SOS1: variants seen among roughly 807,000 people sequenced by gnomAD.
The protein encoded by SOS1 is SOS Ras/Rac guanine nucleotide exchange factor 1.
Under a neutral mutation model 157.6 loss-of-function variants are expected in SOS1, and 25 were observed. That is an observed-to-expected ratio of 0.16 (90% CI 0.12 to 0.22). The LOEUF (loss-of-function observed/expected upper bound fraction) is 0.22. Ranked by LOEUF, SOS1 falls within the 10% of genes least tolerant of loss-of-function variation. SOS1 has a pLI of 1.00. For synonymous variants in SOS1, 528 were observed against 534.0 expected, an observed-to-expected ratio of 0.99 and a Z score of 0.16; for missense variants, 1,237 against 1,599.1, an observed-to-expected ratio of 0.77 and a Z score of 3.86.
intron 8 of SOS1, among the ~76,000 whole-genome samples, chr2:39,026,172 T>C (rs1241770930): frequency 6.6e-6 from 1 of 152,032 alleles, no homozygotes; most frequent in Admixed American, 6.5e-5. Flanking sequence ...CTGGCCAATA[T>C]GGTAAAACCC....
chr2:39,124,507 G>T (rs1315215443), upstream of SOS1, among the ~76,000 whole-genome samples: 1 of 152,260 alleles, frequency 6.6e-6, no homozygotes, highest in East Asian at 1.9e-4. Flanking sequence ...ACGGGGGCGG[G>T]GGTGGGCGTT....
At chr2:39,011,418 CAT>C (rs1669467701) in intron 14 of SOS1, among the ~76,000 whole-genome samples, 1 of 151,784 alleles carries the variant, frequency 6.6e-6, no homozygotes, top group Non-Finnish European at 1.5e-5. Context: ...TGCATTCACA[CAT>C]CTTTTTTTTT....
At chr2:39,119,789 T>G (rs1302506604) in intron 1 of SOS1, among the ~76,000 whole-genome samples, 1 of 152,148 alleles carries the variant, frequency 6.6e-6, no homozygotes, top group Admixed American at 6.5e-5. Context: ...TGGTAGCATG[T>G]GCACCAGCCC....
intron 6 of SOS1, among the ~76,000 whole-genome samples, chr2:39,040,264 G>A (rs1212449814): frequency 2.6e-5 from 4 of 151,936 alleles, no homozygotes; most frequent in South Asian, 2.1e-4. Context: ...TGATCCGCCC[G>A]CCTTGGCCTC....
At chr2:39,106,210 CACA>C (rs1327624571) in intron 1 of SOS1, among the ~76,000 whole-genome samples, 1 of 150,326 alleles carries the variant, frequency 6.7e-6, no homozygotes, top group Non-Finnish European at 1.5e-5. Context: ...CACACACACA[CACA>C]AATCAGCATG....
intron 5 of SOS1, among the ~76,000 whole-genome samples, chr2:39,054,380 A>G (rs1238823984): frequency 1.3e-5 from 2 of 152,248 alleles, no homozygotes; most frequent in South Asian, 4.1e-4. Context: ...GAGTACATGG[A>G]GAATTCTGTG....
chr2:39,036,244 A>T (rs1670338697), intron 6 of SOS1, among the ~76,000 whole-genome samples: 1 of 152,228 alleles, frequency 6.6e-6, no homozygotes, highest in South Asian at 2.1e-4. Flanking sequence ...AATTCTAGCA[A>T]GAGGAATAGG....
chr2:39,014,120 C>T, intron 11 of SOS1, 131 bp from the exon 12 acceptor site: 1 of 655,184 alleles, frequency 1.5e-6, no homozygotes. Context: ...ATATGCATAT[C>T]AGTGTAAACA....
At chr2:38,998,566 GT>G (rs1668978549) in intron 17 of SOS1, among the ~76,000 whole-genome samples, 1 of 152,074 alleles carries the variant, frequency 6.6e-6, no homozygotes, top group African/African-American at 2.4e-5. Context: ...GTGTGATCTT[GT>G]GCAAATTGCT....
chr2:39,032,651 G>C (rs1670201644), intron 8 of SOS1, among the ~76,000 whole-genome samples: 1 of 152,130 alleles, frequency 6.6e-6, no homozygotes, highest in African/African-American at 2.4e-5. Flanking sequence ...TCTCTAAAGA[G>C]ATGTATGTAA....
At chr2:39,118,805 C>A (rs931709851) in intron 1 of SOS1, among the ~76,000 whole-genome samples, 4 of 152,216 alleles carry the variant, frequency 2.6e-5, no homozygotes, top group African/African-American at 9.7e-5. Flanking sequence ...ACTATGCCAG[C>A]CAAACAAAAT....
At chr2:39,010,241 G>T (rs1432470773) in intron 15 of SOS1, among the ~76,000 whole-genome samples, 2 of 151,724 alleles carry the variant, frequency 1.3e-5, no homozygotes, top group Non-Finnish European at 2.9e-5. Context: ...GCTTGAACCC[G>T]GAAGGTGGAG....
Position 39,112,194 on chromosome 2 carries a change from G to A in SOS1, c.87+8142C>T, listed in dbSNP as rs530353134. Among the ~76,000 whole-genome samples the A allele has an allele frequency of 1.3e-4, 20 of 151,718 alleles. No homozygotes were observed. The South Asian group carries it at 4.2e-3, about 32-fold the overall frequency. The stretch of plus-strand genomic sequence containing the variant: ...TATCCCTATCTTCTTAATCTCTACT[G>A]CCGCTACCTGCAACCAACTGTCTTC... On this transcript the variant is annotated intron_variant, in intron 1 of 22. Transcript: ENST00000402219.
chr2:38,995,816 A>G (rs1034067973), intron 19 of SOS1, among the ~76,000 whole-genome samples: 3 of 151,926 alleles, frequency 2.0e-5, no homozygotes, highest in African/African-American at 7.3e-5. Context: ...CATTTGAGAT[A>G]TTTACGAATA....
intron 6 of SOS1, among the ~76,000 whole-genome samples, chr2:39,039,006 G>A (rs1670460270): frequency 6.6e-6 from 1 of 151,994 alleles, no homozygotes; most frequent in Non-Finnish European, 1.5e-5. Context: ...TAAACTGCCA[G>A]TCACCCCAAC....
intron 1 of SOS1, among the ~76,000 whole-genome samples, chr2:39,073,608 C>G (rs1285161113): frequency 6.6e-6 from 1 of 152,170 alleles, no homozygotes; most frequent in Non-Finnish European, 1.5e-5. Flanking sequence ...CATTTTGTCT[C>G]TAGTAAGTTC....
intron 21 of SOS1, among the ~76,000 whole-genome samples, chr2:38,988,101 C>G (rs950481999): frequency 6.6e-6 from 1 of 152,104 alleles, no homozygotes; most frequent in Non-Finnish European, 1.5e-5. Context: ...GGGAAAGAAT[C>G]ATAGTGTCTA....
intron 1 of SOS1, among the ~76,000 whole-genome samples, chr2:39,116,089 A>G (rs889293272): frequency 1.3e-5 from 2 of 152,246 alleles, no homozygotes; most frequent in African/African-American, 4.8e-5. Context: ...GGCTTCATCT[A>G]TATTTATGGC....
intron 1 of SOS1, among the ~76,000 whole-genome samples, chr2:39,069,460 T>A (rs548577166): frequency 1.1e-4 from 16 of 152,282 alleles, no homozygotes; most frequent in Admixed American, 5.9e-4. Context: ...TATGCATTCA[T>A]ATACATTTTA....
Sources: gnomAD v4.1 joint callset for allele counts (sites outside exome capture counted in the v4.1 genomes callset) on GRCh38, gnomAD v4.1.1 for gene constraint, MANE v1.5 for transcripts, NCBI Gene and HGNC (gene_info 2026-07-23, HGNC 2026-07-21) for gene names.